KIF26A: variants seen among roughly 807,000 people sequenced by gnomAD.
KIF26A encodes kinesin family member 26A, also known as kinesin-like protein KIF26A.
A neutral mutation model predicts 126.0 loss-of-function variants in KIF26A; 74 were observed. The ratio of observed to expected loss-of-function variants is 0.59; its 90% CI spans 0.49 to 0.71. The LOEUF is 0.71. Ranked by LOEUF, KIF26A falls within the 30% of genes least tolerant of loss-of-function variation. The pLI, the probability that KIF26A is intolerant of heterozygous loss-of-function variation, is 0.00. For synonymous variants in KIF26A, 1,445 were observed against 1,232.7 expected (o/e 1.17, Z -3.61); for missense variants, 2,984 against 2,763.3 (o/e 1.08, Z -1.79).
At chr14:104,153,236 G>T (rs1411597223) in intron 3 of KIF26A, among the ~76,000 whole-genome samples, 1 of 152,148 alleles carries the variant, frequency 6.6e-6, no homozygotes, top group Non-Finnish European at 1.5e-5. Context: ...GCTGGCCTTG[G>T]CACTAGCTGC....
At chr14:104,169,559 C>T (rs1465408397) in intron 5 of KIF26A, among the ~76,000 whole-genome samples, 1 of 152,226 alleles carries the variant, frequency 6.6e-6, no homozygotes, top group Non-Finnish European at 1.5e-5. Context: ...CCCCAGCTCC[C>T]CGGGTGTTAT....
In KIF26A at chr14:104,172,565, G is replaced by A. The variant is rs1555389466; in HGVS notation, c.1327-10G>A. ...GGCCACAGCCCTGCCTGATTCTCTT[G>A]CCCCCCTAGGCCGAAGTCTGCTCGG... On this transcript the variant is annotated splice_polypyrimidine_tract_variant and intron_variant, in intron 6 of 14. Transcript: ENST00000423312. 2 of 1,608,614 alleles carry A rather than the reference G, an allele frequency of 1.2e-6. No homozygotes were observed. The highest frequency in any genetic ancestry group is 1.7e-6 in the Non-Finnish European group (2 of 1,176,708).
Position 104,176,660 on chromosome 14 carries a change from C to T in KIF26A, c.3872C>T (p.Ala1291Val). The change falls in exon 12 of 15, where the codon GCC (alanine) becomes GTC (valine). Residue 1291 changes from alanine (A) to valine (V), a missense_variant. Ala to Val is a moderately conservative substitution (Grantham distance 64, BLOSUM62 0). Transcript: ENST00000423312. ...QRVVDGCEVA[A>V]RAARRPEAVA... Reference sequence around the variant, plus strand: ...GTGGTGGACGGGTGTGAGGTGGCAGCCAGGGCGGCCCGCAGGCCAGAGGCT... The same window carrying T: ...GTGGTGGACGGGTGTGAGGTGGCAGTCAGGGCGGCCCGCAGGCCAGAGGCT... 3.1e-6 allele frequency: 5 copies of T among 1,599,306 alleles called. No individual in the cohort carries two copies. The highest frequency in any genetic ancestry group is 4.3e-6 in the Non-Finnish European group (5 of 1,172,796).
intron 2 of KIF26A, among the ~76,000 whole-genome samples, chr14:104,147,687 G>A (rs1269030266): frequency 3.3e-5 from 5 of 152,250 alleles, no homozygotes; most frequent in African/African-American, 1.2e-4. Flanking sequence ...CTGCCTGGCC[G>A]GGGGTCCCTT....
intron 2 of KIF26A, among the ~76,000 whole-genome samples, chr14:104,149,580 G>T (rs543437366): frequency 7.2e-5 from 11 of 152,044 alleles, no homozygotes; most frequent in African/African-American, 2.7e-4. Context: ...GGCAGCTGCT[G>T]TCTGAATTCC....
At chr14:104,157,716 C>G in intron 3 of KIF26A, 39 bp from the exon 4 acceptor site, 1 of 1,587,336 alleles carries the variant, frequency 6.3e-7, no homozygotes, top group Non-Finnish European at 8.6e-7. Context: ...GGTGTCTCTG[C>G]CCTTGCGTTC....
In KIF26A at chr14:104,176,898, C is replaced by T. The variant is rs1254168213; in HGVS notation, c.4110C>T (p.Ser1370=). The change falls in exon 12 of 15, where the codon AGC becomes AGT. Residue 1370 remains serine (S), a synonymous_variant. Transcript: ENST00000423312. ...APPAPPTRKS[S]LEQRSSPASA... The stretch of plus-strand genomic sequence containing the variant: ...CGGCCCCACCCACGCGGAAGTCCAG[C>T]CTGGAGCAGAGGAGCAGCCCGGCCT... The T allele has an allele frequency of 2.6e-6, 4 of 1,540,846 alleles. No individual in the cohort carries two copies. Among genetic ancestry groups the T allele is most frequent in the East Asian group, 4.9e-5 (2 of 40,884 alleles).
At position 104,147,508 on chromosome 14, in the gene KIF26A, A is replaced by T. The variant is rs576592240; in HGVS notation, c.289-4507A>T. Among the ~76,000 whole-genome samples, 4 of 152,196 alleles carry T rather than the reference A, an allele frequency of 2.6e-5. No individual in the cohort carries two copies. In the East Asian group the frequency reaches 7.8e-4, roughly 30 times the overall value. ...TGGAGTCCTGGCTGGCAGACCAGGG[A>T]GGGTCTGGGCCTTTGGAGAGGTGCC... On this transcript the variant is annotated intron_variant, in intron 2 of 14. Transcript: ENST00000423312.
chr14:104,154,153 G>A (rs1453886626), intron 3 of KIF26A, among the ~76,000 whole-genome samples: 1 of 152,166 alleles, frequency 6.6e-6, no homozygotes, highest in Non-Finnish European at 1.5e-5. Flanking sequence ...AAATACTTGT[G>A]GAGAGATGCG....
Position 104,178,679 on chromosome 14 carries a change from A to G in KIF26A, c.5240A>G (p.Glu1747Gly). The change falls in exon 13 of 15, where the codon GAG becomes GGG. Residue 1747 changes from glutamate to glycine, a missense_variant. Physicochemically the swap from Glu to Gly is moderately conservative, Grantham distance 98. Transcript: ENST00000423312. Reference protein sequence around the residue: ...PLAGSLKEPFEIKVYEIDDVE... With the variant: ...PLAGSLKEPFGIKVYEIDDVE... ...GCTGGCTCCCTGAAGGAGCCGTTCG[A>G]GATCAAGGTGTACGAGATCGATGAC... The G allele has an allele frequency of 1.1e-5, 17 of 1,562,658 alleles. No homozygotes were observed. The highest frequency in any genetic ancestry group is 1.5e-5 in the Non-Finnish European group (17 of 1,154,248).
Position 104,176,068 on chromosome 14 carries a change from G to T in KIF26A, c.3280G>T (p.Gly1094Trp). The T allele has an allele frequency of 1.3e-6, 2 of 1,596,582 alleles. No individual in the cohort carries two copies. Among genetic ancestry groups the T allele is most frequent in the Non-Finnish European group, 1.7e-6 (2 of 1,174,476 alleles). ...CTACACCTCTCAGGCCCCTGAGGGG[G>T]GGCCCCTGGAGGGGGCAGCCTGGGC... Reference protein sequence around the residue: ...DAYTSQAPEGGPLEGAAWAGS... With the variant: ...DAYTSQAPEGWPLEGAAWAGS... Residue 1094 changes from glycine (G) to tryptophan (W), a missense_variant, in exon 12 of 15, where the codon GGG (glycine) becomes TGG (tryptophan). Transcript: ENST00000423312.
chr14:104,175,496 C>A lies in KIF26A; in HGVS notation c.2708C>A (p.Ser903Tyr). Residue 903 changes from serine (S) to tyrosine (Y), a missense_variant, in exon 12 of 15, where the codon TCT (serine) becomes TAT (tyrosine). Physicochemically the swap from Ser to Tyr is moderately radical, Grantham distance 144. Transcript: ENST00000423312. ...GCTGCCAGCACCCCTCGAGGCAGTTCTGGTCCAGACACCCACCAGGGTACC... is the reference window on the plus strand; with the variant it reads ...GCTGCCAGCACCCCTCGAGGCAGTTATGGTCCAGACACCCACCAGGGTACC... ...PMAASTPRGS[S>Y]GPDTHQGTPE... 6.3e-7 allele frequency: 1 copy of A among 1,595,026 alleles called. No homozygotes were observed. The highest frequency in any genetic ancestry group is 8.5e-7 in the Non-Finnish European group (1 of 1,177,588).
chr14:104,143,206 A>G (rs536292699), intron 2 of KIF26A, among the ~76,000 whole-genome samples: 1 of 152,202 alleles, frequency 6.6e-6, no homozygotes, highest in African/African-American at 2.4e-5. Flanking sequence ...AGAGCTCCAG[A>G]ACCACTGTTG....
chr14:104,165,907 C>A (rs1442507281), intron 4 of KIF26A, among the ~76,000 whole-genome samples: 1 of 149,228 alleles, frequency 6.7e-6, no homozygotes, highest in Non-Finnish European at 1.5e-5. Context: ...ACCCCAGTGG[C>A]TCCCAAGCAT....
chr14:104,170,246 C>T (rs186115721), intron 5 of KIF26A, among the ~76,000 whole-genome samples: 3 of 152,326 alleles, frequency 2.0e-5, no homozygotes, highest in East Asian at 1.9e-4. Flanking sequence ...TGCACGTTTT[C>T]GTCTGCTTTG....
intron 5 of KIF26A, among the ~76,000 whole-genome samples, chr14:104,169,426 G>A (rs1389019062): frequency 6.6e-6 from 1 of 152,174 alleles, no homozygotes; most frequent in Admixed American, 6.5e-5. Flanking sequence ...GGGCAGCCTT[G>A]GCCGGGCTTC....
intron 4 of KIF26A, among the ~76,000 whole-genome samples, chr14:104,159,585 C>T (rs929253589): frequency 6.6e-6 from 1 of 152,220 alleles, no homozygotes; most frequent in Non-Finnish European, 1.5e-5. Context: ...TTGCCAGCCG[C>T]GCTGCCTGCT....
At chr14:104,147,171 C>T (rs1264645213) in intron 2 of KIF26A, among the ~76,000 whole-genome samples, 1 of 152,170 alleles carries the variant, frequency 6.6e-6, no homozygotes, top group Non-Finnish European at 1.5e-5. Flanking sequence ...TCCTGATGAG[C>T]CTGCCCCTCT....
chr14:104,177,665 G>T lies in KIF26A; in HGVS notation c.4877G>T (p.Ser1626Ile), dbSNP rs1323786751. Residue 1626 changes from serine (S) to isoleucine (I), a missense_variant, in exon 12 of 15, where the codon AGC (serine) becomes ATC (isoleucine). Physicochemically the swap from Ser to Ile is moderately radical, Grantham distance 142. Transcript: ENST00000423312. ...GCCCCACGGCGGCCCCAGCGCTACA[G>T]CAGCGGCCATGGCAGCGACAACAGC... ...VTAPRRPQRY[S>I]SGHGSDNSSV... 6.5e-7 allele frequency: 1 copy of T among 1,529,648 alleles called. No individual in the cohort carries two copies. Among genetic ancestry groups the T allele is most frequent in the Non-Finnish European group, 8.8e-7 (1 of 1,142,730 alleles). The allele number at this position is 1,529,648 out of a possible 1,614,324, so 94.8% of individuals were successfully genotyped here.
Sources: gnomAD v4.1 joint callset for allele counts (sites outside exome capture counted in the v4.1 genomes callset) on GRCh38, gnomAD v4.1.1 for gene constraint, MANE v1.5 for transcripts, NCBI Gene and HGNC (gene_info 2026-07-23, HGNC 2026-07-21) for gene names.